Variants in ADGRF1 observed in about 807,000 individuals in gnomAD.
ADGRF1 encodes G protein-coupled receptor 110.
A neutral mutation model predicts 87.2 loss-of-function variants in ADGRF1; 85 were observed. That is an observed-to-expected ratio of 0.97 (90% CI 0.82 to 1.17). ADGRF1 has a LOEUF of 1.17. Ranked by LOEUF, ADGRF1 falls within the 50% of genes most tolerant of loss-of-function variation. The pLI is 0.00. For missense variants in ADGRF1, 1,169 were observed against 1,077.2 expected (o/e 1.09, Z -1.19); for synonymous variants, 430 against 408.8 (o/e 1.05, Z -0.63).
chr6:47,003,225 G>A (rs1291441455), intron 13 of ADGRF1, among the ~76,000 whole-genome samples: 1 of 152,124 alleles, frequency 6.6e-6, no homozygotes, highest in East Asian at 1.9e-4. Context: ...TCTTAAGACT[G>A]ATAGAACAAA....
rs1487176672 is a variant in ADGRF1, at chr6:46,999,272, T to A, written c.*950A>T. ...GAAAATAAGGATGTTTTAAGGTACC[T>A]CCCTGGAAGCTGACAACCAAATTCT... On this transcript the variant is annotated 3_prime_UTR_variant, in exon 15 of 15. Transcript: ENST00000371253. The A allele has an allele frequency of 6.6e-6, 1 of 152,320 alleles. No homozygotes were observed. The highest frequency in any genetic ancestry group is 2.1e-4 in the South Asian group (1 of 4,820). 9.4% of individuals were successfully genotyped at this position (152,320 alleles called of 1,614,324 possible).
chr6:47,009,655 C>G lies in ADGRF1; in HGVS notation c.1780G>C (p.Gly594Arg). 6.2e-7 allele frequency: 1 copy of G among 1,614,148 alleles called. No individual in the cohort carries two copies. The highest frequency in any genetic ancestry group is 8.5e-7 in the Non-Finnish European group (1 of 1,180,026). Residue 594 changes from glycine to arginine, a missense_variant, in exon 11 of 15, where the codon GGT becomes CGT. By Grantham distance (125) the Gly-to-Arg change is moderately radical. Transcript: ENST00000371253. Reference sequence around the variant, plus strand: ...AAAATGAGACTTCCAATGGAGATACCCAGTCCCACATAGGTGATCCATTTT... The same window carrying G: ...AAAATGAGACTTCCAATGGAGATACGCAGTCCCACATAGGTGATCCATTTT... ...VVKWITYVGL[G>R]ISIGSLILCL...
At chr6:47,007,930 G>A (rs1299744446) in intron 11 of ADGRF1, among the ~76,000 whole-genome samples, 1 of 152,194 alleles carries the variant, frequency 6.6e-6, no homozygotes, top group East Asian at 1.9e-4. Context: ...GCACCTGACT[G>A]TTCACTGGTT....
chr6:47,028,929 A>G, intron 2 of ADGRF1, 64 bp downstream of exon 2: 1 of 1,324,268 alleles, frequency 7.6e-7, no homozygotes, highest in South Asian at 1.2e-5. Context: ...GAGGGGTTCT[A>G]AAAGTGCCGG....
intron 1 of ADGRF1, among the ~76,000 whole-genome samples, chr6:47,033,876 T>C (rs10807348): frequency 0.29 from 43,692 of 152,210 alleles, 7,393 homozygotes; most frequent in South Asian, 0.46. Flanking sequence ...ACAGAAAAGA[T>C]AGCCACTTCC....
chr6:47,002,116 T>C (rs1779380142), intron 13 of ADGRF1: 1 of 152,346 alleles, frequency 6.6e-6, no homozygotes, highest in African/African-American at 2.4e-5. Context: ...TCAGGAAAGA[T>C]AAATGTGTTT....
At chr6:47,012,639 G>T (rs1779742027) in intron 9 of ADGRF1, 4 of 989,174 alleles carry the variant, frequency 4.0e-6, no homozygotes, top group African/African-American at 1.7e-5. Context: ...GTTAGGGTAG[G>T]TCTACTGGTA....
chr6:47,018,480 C>G (rs918866602), intron 7 of ADGRF1: 1 of 1,289,564 alleles, frequency 7.8e-7, no homozygotes, highest in Non-Finnish European at 1.0e-6. Flanking sequence ...GTCACAATAC[C>G]TTTGTATTGA....
chr6:47,005,316 A>G (rs373881369), intron 13 of ADGRF1, among the ~76,000 whole-genome samples: 2 of 152,204 alleles, frequency 1.3e-5, no homozygotes, highest in South Asian at 2.1e-4. Flanking sequence ...ATTGCAAGTA[A>G]CAGAATCAGT....
At position 47,005,863 on chromosome 6, in the gene ADGRF1, A is replaced by G; in HGVS notation, c.2546T>C (p.Leu849Pro). The change falls in exon 13 of 15, where the codon CTG becomes CCG. Residue 849 changes from leucine to proline, a missense_variant. Leu to Pro is a moderately conservative substitution (Grantham distance 98, BLOSUM62 -3). Coordinates refer to ENST00000371253, the MANE Select transcript of ADGRF1 (RefSeq NM_153840.4). The stretch of plus-strand genomic sequence containing the variant: ...ACTTAAGGCAGACAACTTGTTGAAC[A>G]GAAGTTGTCGCAGCTATAAGGGCAA... The part of the protein sequence containing the change: ...ILLDSKLRQL[L>P]FNKLSALSSW... 1 of 1,612,060 alleles carries G rather than the reference A, an allele frequency of 6.2e-7. No homozygotes were observed. Among genetic ancestry groups the G allele is most frequent in the Non-Finnish European group, 8.5e-7 (1 of 1,178,950 alleles).
In ADGRF1 at chr6:47,009,947, A is replaced by G. The variant is rs774789306; in HGVS notation, c.1488T>C (p.Asn496=). The G allele has an allele frequency of 1.5e-5, 24 of 1,613,998 alleles. No individual in the cohort carries two copies. The highest frequency in any genetic ancestry group is 2.0e-5 in the Non-Finnish European group (24 of 1,179,958). ...CAGGTCCATTGACCTGAGCATTTCC[A>G]TTTTTGGAAACGGGTAGAATGTTCC... ...TLGNILPVSK[N]GNAQVNGPVI... is the part of the protein sequence containing the mutation. Residue 496 remains asparagine (N), a synonymous_variant, in exon 11 of 15, where the codon AAT becomes AAC. Transcript: ENST00000371253.
At chr6:47,014,494 G>T (rs888069893) in intron 9 of ADGRF1, 187 bp downstream of exon 9, 4 of 1,349,512 alleles carry the variant, frequency 3.0e-6, no homozygotes, top group Non-Finnish European at 3.8e-6. Flanking sequence ...CCTAGACTCT[G>T]CTGCCCAGAC....
intron 9 of ADGRF1, chr6:47,013,054 G>A (rs1779757222): frequency 6.1e-6 from 6 of 984,846 alleles, no homozygotes; most frequent in South Asian, 9.4e-5. Flanking sequence ...TTACAGGCAT[G>A]AGCCACTGCA....
intron 2 of ADGRF1, among the ~76,000 whole-genome samples, chr6:47,028,764 A>G (rs1780322147): frequency 6.6e-6 from 1 of 152,182 alleles, no homozygotes; most frequent in Admixed American, 6.5e-5. Flanking sequence ...TTAATCAAAG[A>G]TCCTCCTTTT....
At chr6:47,019,563 A>G in intron 7 of ADGRF1, 1 of 264,288 alleles carries the variant, frequency 3.8e-6, no homozygotes, top group Non-Finnish European at 5.9e-6. Flanking sequence ...ACATGCCTGT[A>G]GTCCCAGCTA....
intron 11 of ADGRF1, 40 bp from the exon 12 acceptor site, chr6:47,007,334 T>A: frequency 7.7e-7 from 1 of 1,295,718 alleles, no homozygotes; most frequent in Non-Finnish European, 1.1e-6. Flanking sequence ...ATTGTATTTT[T>A]CTTTTCCAAA....
chr6:47,037,080 C>T (rs1350850296), intron 1 of ADGRF1, among the ~76,000 whole-genome samples: 1 of 152,192 alleles, frequency 6.6e-6, no homozygotes, highest in Non-Finnish European at 1.5e-5. Context: ...AAATTGACCT[C>T]CTAACCTGTA....
rs183317232 is a variant in ADGRF1 at position 47,003,828 on chromosome 6, G to A, written c.2592+1989C>T. On this transcript the variant is annotated intron_variant, in intron 13 of 14. Transcript: ENST00000371253. ...TCAGAACCTCCTGGGGCTGTGTCAT[G>A]GCTCATGATCCTTAACCCTGGCAAA... 1.7e-3 allele frequency among the ~76,000 whole-genome samples: 255 copies of A among 152,266 alleles called. 2 individuals are homozygous for A. Among genetic ancestry groups the A allele is most frequent in the African/African-American group, 5.6e-3 (234 of 41,536 alleles).
chr6:47,023,686 T>A (rs182587431), intron 5 of ADGRF1, among the ~76,000 whole-genome samples: 8 of 152,340 alleles, frequency 5.3e-5, no homozygotes, highest in Admixed American at 2.0e-4. Context: ...TTTCTTGAAA[T>A]TGATGTTGGC....
Sources: allele counts gnomAD v4.1 joint callset (sites outside exome capture counted in the v4.1 genomes callset), GRCh38; gene constraint gnomAD v4.1.1; transcripts MANE v1.5; gene names NCBI Gene and HGNC (gene_info 2026-07-23, HGNC 2026-07-21).